LAMP2: variants seen among roughly 807,000 people sequenced by gnomAD.
LAMP2 encodes lysosome-associated membrane glycoprotein 2.
A neutral mutation model predicts 25.6 loss-of-function variants in LAMP2; 4 were observed. The ratio of observed to expected loss-of-function variants is 0.16; its 90% confidence interval spans 0.08 to 0.36. The LOEUF (loss-of-function observed/expected upper bound fraction) is 0.36. Among genes scored for constraint, LAMP2 ranks in the 10% least tolerant of loss-of-function variants. The pLI, the probability that LAMP2 is intolerant of heterozygous loss-of-function variation, is 1.00. For missense variants in LAMP2, 272 were observed against 301.4 expected (o/e 0.90, Z 0.72); for synonymous variants, 108 against 112.7 (o/e 0.96, Z 0.27).
At chrX:120,453,842 A>G (rs915609873) in intron 3 of LAMP2, among the ~76,000 whole-genome samples, 1 of 112,291 alleles carries the variant, frequency 8.9e-6, no homozygotes, top group African/African-American at 3.2e-5. Flanking sequence ...TCTACACTCT[A>G]TATCTTCAAA....
chrX:120,450,813 G>A (rs2058617856), intron 3 of LAMP2, among the ~76,000 whole-genome samples: 1 of 108,875 alleles, frequency 9.2e-6, no homozygotes, highest in Non-Finnish European at 1.9e-5. Context: ...GTACATATGG[G>A]TCTGCTATAT....
chrX:120,430,001 A>C lies in LAMP2; in HGVS notation c.*1322T>G, dbSNP rs937710864. 3 of 753,065 alleles carry C rather than the reference A, an allele frequency of 4.0e-6. No homozygotes were observed. In the African/African-American group the frequency reaches 6.9e-5, roughly 17 times the overall value. 62.1% of individuals were successfully genotyped at this position (753,065 alleles called of 1,213,427 possible). On this transcript the variant is annotated 3_prime_UTR_variant, in exon 9 of 9. Coordinates refer to ENST00000200639, the MANE Select transcript of LAMP2 (RefSeq NM_002294.3). The stretch of plus-strand genomic sequence containing the variant: ...CTGAGTACACAACACTCATCTCAGT[A>C]ACCACACATTAGCCTATGCTGAAAG...
At chrX:120,447,586 T>C (rs1159354062) in intron 5 of LAMP2, among the ~76,000 whole-genome samples, 1 of 109,090 alleles carries the variant, frequency 9.2e-6, no homozygotes, top group Non-Finnish European at 1.9e-5. Context: ...GGCAGGCGCC[T>C]GTAGTCCCAG....
Position 120,455,564 on chromosome X carries a change from C to T in LAMP2, c.190G>A (p.Val64Ile), listed in dbSNP as rs1921058018. Reference sequence around the variant, plus strand: ...ACAGTGCCATGGTCTGAAATGGTTACAGTTTTCTAAAAGAAATAGAAATTT... The same window carrying T: ...ACAGTGCCATGGTCTGAAATGGTTATAGTTTTCTAAAAGAAATAGAAATTT... ...YETTNKTYKTVTISDHGTVTY... is the reference protein window; with the variant it reads ...YETTNKTYKTITISDHGTVTY... Residue 64 changes from valine (V) to isoleucine (I), a missense_variant, in exon 3 of 9, where the codon GTA becomes ATA. Physicochemically the swap from Val to Ile is conservative, Grantham distance 29. Coordinates refer to ENST00000200639, the MANE Select transcript of LAMP2 (RefSeq NM_002294.3). The T allele has an allele frequency of 3.3e-6, 4 of 1,199,755 alleles. No homozygotes were observed. The highest frequency in any genetic ancestry group is 3.5e-5 in the South Asian group (2 of 56,493).
At chrX:120,460,417 A>C (rs1054598663) in intron 1 of LAMP2, among the ~76,000 whole-genome samples, 6 of 111,421 alleles carry the variant, frequency 5.4e-5, no homozygotes, top group African/African-American at 2.0e-4. Flanking sequence ...TACACTTCCA[A>C]AGCCCTCCTT....
rs1036694237 is a variant in LAMP2, at chrX:120,426,552, A to G, written c.*4771T>C. Among the ~76,000 whole-genome samples, 1 of 111,411 alleles carries G rather than the reference A, an allele frequency of 9.0e-6. No individual in the cohort carries two copies. Among genetic ancestry groups the G allele is most frequent in the African/African-American group, 3.3e-5 (1 of 30,632 alleles). On this transcript the variant is annotated 3_prime_UTR_variant, in exon 9 of 9. Coordinates refer to ENST00000200639, the MANE Select transcript of LAMP2 (RefSeq NM_002294.3). The stretch of plus-strand genomic sequence containing the variant: ...CATATTTTCTAATTAATTAAGATAG[A>G]GCCATGATAACTATTGAGGAATTAG...
In LAMP2 at chrX:120,430,035, A is replaced by G. The variant is rs1294607737; in HGVS notation, c.*1288T>C. Reference sequence around the variant, plus strand: ...TTAGCCTATGCTGAAAGAATTTACTATATTTTACTGAAAGCTCTCAAAGAC... The same window carrying G: ...TTAGCCTATGCTGAAAGAATTTACTGTATTTTACTGAAAGCTCTCAAAGAC... On this transcript the variant is annotated 3_prime_UTR_variant, in exon 9 of 9. Transcript: ENST00000200639. 2.7e-6 allele frequency: 2 copies of G among 753,638 alleles called. No individual in the cohort carries two copies. The highest frequency in any genetic ancestry group is 1.6e-6 in the Non-Finnish European group (1 of 638,408). 62.1% of individuals were successfully genotyped at this position (753,638 alleles called of 1,213,427 possible).
intron 1 of LAMP2, among the ~76,000 whole-genome samples, chrX:120,460,272 C>CA (rs995359695): frequency 4.1e-3 from 407 of 98,554 alleles, no homozygotes; most frequent in Middle Eastern, 0.01. Context: ...GACTCCGTCT[C>CA]AAAAAAAAAA....
intron 5 of LAMP2, 59 bp downstream of exon 5, chrX:120,447,782 T>C (rs1327463887): frequency 2.1e-6 from 2 of 970,970 alleles, no homozygotes; most frequent in African/African-American, 3.8e-5. Context: ...GAAGGTAGGA[T>C]ACGCAATATT....
chrX:120,438,258 T>C (rs2058554487), intron 8 of LAMP2: 22 of 748,739 alleles, frequency 2.9e-5, no homozygotes, highest in Non-Finnish European at 3.5e-5. Context: ...TACATCACTA[T>C]CAACAAGAAA....
chrX:120,455,675 G>T, intron 2 of LAMP2, 105 bp from the exon 3 acceptor site: 1 of 633,163 alleles, frequency 1.6e-6, no homozygotes. Flanking sequence ...ATTCTCCATG[G>T]CCAGGTTGCC....
intron 1 of LAMP2, among the ~76,000 whole-genome samples, chrX:120,462,176 C>T (rs1921339882): frequency 9.0e-6 from 1 of 110,941 alleles, no homozygotes; most frequent in South Asian, 3.8e-4. Flanking sequence ...TTCTCAAAGT[C>T]AAATATCCTC....
At chrX:120,468,673 T>C (rs1457981335) in intron 1 of LAMP2, among the ~76,000 whole-genome samples, 6 of 110,618 alleles carry the variant, frequency 5.4e-5, no homozygotes, top group Admixed American at 2.9e-4. Context: ...TCTCTTAATT[T>C]CCTATCTCAC....
At chrX:120,437,067 C>T (rs1186934099) in intron 8 of LAMP2, 3 of 744,609 alleles carry the variant, frequency 4.0e-6, no homozygotes, top group Admixed American at 8.9e-5. Flanking sequence ...AAATTAAAAA[C>T]GATTTTGAAA....
chrX:120,439,119 T>C, intron 8 of LAMP2: 1 of 1,209,458 alleles, frequency 8.3e-7, no homozygotes, highest in Non-Finnish European at 1.1e-6. Flanking sequence ...TACTTGCTTT[T>C]TTCTTTTGTA....
chrX:120,449,352 T>C (rs1281273378), intron 3 of LAMP2, among the ~76,000 whole-genome samples: 3 of 112,492 alleles, frequency 2.7e-5, no homozygotes, highest in African/African-American at 9.7e-5. Flanking sequence ...CAGTGGCCCA[T>C]GCCTGTAATC....
Position 120,428,747 on chromosome X carries a change from C to A in LAMP2, c.*2576G>T. On this transcript the variant is annotated 3_prime_UTR_variant, in exon 9 of 9. Transcript: ENST00000200639. ...CATAGCTTAGTTTTTTATAGCATTA[C>A]CTCTATTTTCTTATTTGCTCAATAT... 1 of 1,055,630 alleles carries A rather than the reference C, an allele frequency of 9.5e-7. No individual in the cohort carries two copies. The highest frequency in any genetic ancestry group is 1.2e-6 in the Non-Finnish European group (1 of 821,553). The allele number at this position is 1,055,630 out of a possible 1,213,427, so 87.0% of individuals were successfully genotyped here.
At chrX:120,437,844 T>G in intron 8 of LAMP2, 1 of 739,567 alleles carries the variant, frequency 1.4e-6, no homozygotes, top group South Asian at 6.9e-5. Context: ...AAGTTTTGTT[T>G]GTTTGTTTGT....
rs1057197859 is a variant in LAMP2, at chrX:120,446,522, G to A, written c.742-95C>T. ...ACCAAACAAAATCAACTTCAGCGTAGAACAAAAAATCTTTTGTCTGGATAC... is the reference window on the plus strand; with the variant it reads ...ACCAAACAAAATCAACTTCAGCGTAAAACAAAAAATCTTTTGTCTGGATAC... On this transcript the variant is annotated intron_variant, in intron 5 of 8. Transcript: ENST00000200639. 4 of 944,297 alleles carry A rather than the reference G, an allele frequency of 4.2e-6. No homozygotes were observed. The Admixed American group carries it at 7.0e-5, about 16-fold the overall frequency. 77.8% of individuals were successfully genotyped at this position (944,297 alleles called of 1,213,427 possible). A position where few individuals can be genotyped will look rare whatever the true frequency, so the allele number is the denominator to read the frequency against.
Sources: gnomAD v4.1 joint callset for allele counts (sites outside exome capture counted in the v4.1 genomes callset) on GRCh38, gnomAD v4.1.1 for gene constraint, MANE v1.5 for transcripts, NCBI Gene and HGNC (gene_info 2026-07-23, HGNC 2026-07-21) for gene names.